The following SNRPB variants were observed in gnomAD, a reference collection of about 807,000 sequenced individuals.
The protein encoded by SNRPB is small nuclear ribonucleoprotein polypeptides B and B1.
In SNRPB, 5 loss-of-function variants were observed where a neutral mutation model predicts 26.6. The ratio of observed to expected loss-of-function variants is 0.19; its 90% CI spans 0.10 to 0.39. The LOEUF is 0.39. Among genes scored for constraint, SNRPB ranks in the 10% least tolerant of loss-of-function variants. SNRPB has a pLI of 1.00. For missense variants in SNRPB, 211 were observed against 311.9 expected, an observed-to-expected ratio of 0.68 and a Z score of 2.44; for synonymous variants, 122 against 105.8, an observed-to-expected ratio of 1.15 and a Z score of -0.94.
intron 1 of SNRPB, among the ~76,000 whole-genome samples, chr20:2,469,393 G>A (rs2085097384): frequency 6.6e-6 from 1 of 152,162 alleles, no homozygotes; most frequent in Non-Finnish European, 1.5e-5. Context: ...CATTTTGCTG[G>A]TTAAAATCCT....
intron 2 of SNRPB, 76 bp from the exon 3 acceptor site, chr20:2,465,895 T>G: frequency 9.7e-7 from 1 of 1,029,792 alleles, no homozygotes; most frequent in South Asian, 1.3e-5. Flanking sequence ...CCTCCAAGAT[T>G]TGCTTATACT....
Position 2,463,619 on chromosome 20 carries a change from C to A in SNRPB, c.420+128G>T, listed in dbSNP as rs1181197669. On this transcript the variant is annotated intron_variant, in intron 4 of 6. Coordinates refer to ENST00000381342, the MANE Select transcript of SNRPB (RefSeq NM_003091.4). This position sits in a 1 kb window ranked among gnomAD's most constrained non-coding sequence, Gnocchi z 5.0. ...ACTTGCTTCTAGGGCCATGTATAAA[C>A]CACAGTGAAACACTGATAGTCTGAC... The A allele has an allele frequency of 9.7e-6, 7 of 724,426 alleles. No individual in the cohort carries two copies. Among genetic ancestry groups the A allele is most frequent in the Non-Finnish European group, 1.7e-5 (7 of 423,680 alleles). 44.9% of individuals were successfully genotyped at this position (724,426 alleles called of 1,614,324 possible). A position where few individuals can be genotyped will look rare whatever the true frequency, so the allele number is the denominator to read the frequency against.
chr20:2,465,083 G>A (rs1835797509), intron 3 of SNRPB, among the ~76,000 whole-genome samples: 2 of 152,212 alleles, frequency 1.3e-5, no homozygotes, highest in Admixed American at 1.3e-4. Context: ...TATAAGATGA[G>A]AATTTATCTC....
At position 2,463,915 on chromosome 20, in the gene SNRPB, A is replaced by G; in HGVS notation, c.268-16T>C. The G allele has an allele frequency of 1.9e-6, 3 of 1,606,926 alleles. No homozygotes were observed. The highest frequency in any genetic ancestry group is 2.6e-6 in the Non-Finnish European group (3 of 1,174,166). On this transcript the variant is annotated splice_polypyrimidine_tract_variant and intron_variant, in intron 3 of 6. Coordinates refer to ENST00000381342, the MANE Select transcript of SNRPB (RefSeq NM_003091.4). This position sits in a 1 kb window ranked among gnomAD's most constrained non-coding sequence, Gnocchi z 5.0. ...CAATACCAGTCTGAAAAATAAACAA[A>G]TATGCTCTGATGCCCAGTGATCTGA... is the stretch of plus-strand genomic sequence containing the variant.
intron 6 of SNRPB, 52 bp from the exon 7 acceptor site, chr20:2,461,991 C>T: frequency 7.4e-7 from 1 of 1,355,084 alleles, no homozygotes; most frequent in Non-Finnish European, 1.0e-6. Flanking sequence ...ACTTGAATCC[C>T]CAACCCTGCC....
chr20:2,462,439 G>A (rs2085041605), intron 6 of SNRPB, among the ~76,000 whole-genome samples, 197 bp downstream of exon 6: 1 of 152,218 alleles, frequency 6.6e-6, no homozygotes. Flanking sequence ...CACCCTGGGT[G>A]CATGGCTGCT....
chr20:2,470,249 G>A (rs1229780641), intron 1 of SNRPB, among the ~76,000 whole-genome samples: 2 of 151,796 alleles, frequency 1.3e-5, no homozygotes, highest in Admixed American at 6.6e-5. Flanking sequence ...ACTCTAGCGT[G>A]GTCCACGAGC....
intron 1 of SNRPB, among the ~76,000 whole-genome samples, chr20:2,469,760 A>G (rs1376369777): frequency 6.6e-6 from 1 of 152,234 alleles, no homozygotes; most frequent in African/African-American, 2.4e-5. Context: ...AGGTAAAATT[A>G]ACATGCAAGG....
intron 5 of SNRPB, 146 bp downstream of exon 5, chr20:2,462,943 C>G: frequency 1.0e-6 from 1 of 988,540 alleles, no homozygotes; most frequent in Non-Finnish European, 1.5e-6. Flanking sequence ...TCCACCTAGT[C>G]TCATCAGTCA....
chr20:2,467,552 C>T (rs2085082334), intron 2 of SNRPB, 55 bp downstream of exon 2: 6 of 1,552,702 alleles, frequency 3.9e-6, no homozygotes, highest in Non-Finnish European at 5.3e-6. Context: ...GCTTGGCCCA[C>T]CCACTCAATC....
In SNRPB at chr20:2,467,741, G is replaced by A; in HGVS notation, c.21C>T (p.Ser7=). 6.2e-7 allele frequency: 1 copy of A among 1,614,058 alleles called. No individual in the cohort carries two copies. Among genetic ancestry groups the A allele is most frequent in the Non-Finnish European group, 8.5e-7 (1 of 1,179,970 alleles). The change falls in exon 2 of 7, where the codon AGC becomes AGT. Residue 7 remains serine, a synonymous_variant. Transcript: ENST00000381342. MTVGKS[S]KMLQHIDYRM... ...TGTAATCAATATGCTGCAGCATCTT[G>A]CTGCTCTTGCCCACCGTCTGCAAGG...
chr20:2,465,137 G>A (rs577931525), intron 3 of SNRPB, among the ~76,000 whole-genome samples: 17 of 152,270 alleles, frequency 1.1e-4, no homozygotes, highest in East Asian at 7.7e-4. Flanking sequence ...AGTGGTTGGC[G>A]CAAGGTAGAT....
chr20:2,463,247 AAG>A lies in SNRPB; in HGVS notation c.421-22_421-21del. 1 of 1,594,732 alleles carries A rather than the reference AAG, an allele frequency of 6.3e-7. No individual in the cohort carries two copies. Among genetic ancestry groups the A allele is most frequent in the Admixed American group, 1.7e-5 (1 of 59,992 alleles). On this transcript the variant is annotated intron_variant, in intron 4 of 6. Coordinates refer to ENST00000381342, the MANE Select transcript of SNRPB (RefSeq NM_003091.4). The surrounding 1 kb of genome is among the most constrained non-coding windows in gnomAD (Gnocchi z 5.0). ...CATCACCTAAGAGGACATAAGAAGA[AAG>A]AGTTAGAAGAGTACAGTACAATGCA...
At chr20:2,465,449 A>G (rs1304188314) in intron 3 of SNRPB, among the ~76,000 whole-genome samples, 6 of 131,928 alleles carry the variant, frequency 4.5e-5, no homozygotes, top group African/African-American at 1.8e-4. Context: ...GGGTCTCGCT[A>G]TATTGCCCAG....
At chr20:2,467,043 C>A in intron 2 of SNRPB, 1 of 268,116 alleles carries the variant, frequency 3.7e-6, no homozygotes, top group Non-Finnish European at 7.5e-6. Flanking sequence ...TTTTAATGGG[C>A]CAAAAGCTTA....
chr20:2,467,399 C>T, intron 2 of SNRPB: 2 of 649,542 alleles, frequency 3.1e-6, no homozygotes, highest in Admixed American at 2.4e-5. Flanking sequence ...CAGCCCTTCA[C>T]AACTTGTACT....
Position 2,462,643 on chromosome 20 carries a change from C to T in SNRPB, c.678G>A (p.Gly226=). 2 of 1,613,122 alleles carry T rather than the reference C, an allele frequency of 1.2e-6. No individual in the cohort carries two copies. The highest frequency in any genetic ancestry group is 1.7e-6 in the Non-Finnish European group (2 of 1,179,180). ...ACCACTGCAGGCACTTACCTCGCAT[C>T]CCAGGGGGAGGAGGCCGCATTCCCG... The part of the protein sequence containing the change: ...PPPGMRPPPP[G]MRGLL The change falls in exon 6 of 7, where the codon GGG becomes GGA. Residue 226 remains glycine (G), a synonymous_variant. Transcript: ENST00000381342.
At position 2,461,923 on chromosome 20, in the gene SNRPB, C is replaced by T; in HGVS notation, c.*6G>A. ...CGGAGCTACTTCCATACTCTGTGGC[C>T]AAGGGTCAAAGAAGGCCTGAAGTAA... On this transcript the variant is annotated 3_prime_UTR_variant, in exon 7 of 7. Transcript: ENST00000381342. The T allele has an allele frequency of 6.2e-7, 1 of 1,612,886 alleles. No homozygotes were observed.
chr20:2,463,038 A>T lies in SNRPB; in HGVS notation c.559+51T>A. ...CAAGGTTATATCTCATCATTAATCC[A>T]GCTAAGGCATCTTCTATCAATTAGC... On this transcript the variant is annotated intron_variant, in intron 5 of 6. Coordinates refer to ENST00000381342, the MANE Select transcript of SNRPB (RefSeq NM_003091.4). The surrounding 1 kb of genome is among the most constrained non-coding windows in gnomAD (Gnocchi z 5.0). The T allele has an allele frequency of 6.9e-7, 1 of 1,455,868 alleles. No homozygotes were observed. The highest frequency in any genetic ancestry group is 1.4e-5 in the South Asian group (1 of 73,844). 90.2% of individuals were successfully genotyped at this position (1,455,868 alleles called of 1,614,324 possible).
Sources: allele counts gnomAD v4.1 joint callset (sites outside exome capture counted in the v4.1 genomes callset), GRCh38; gene constraint gnomAD v4.1.1; non-coding constraint Gnocchi (gnomAD v3.1); transcripts MANE v1.5; gene names NCBI Gene and HGNC (gene_info 2026-07-23, HGNC 2026-07-21).